The following ELMOD1 variants were observed in gnomAD, a reference collection of about 807,000 sequenced individuals.
The protein encoded by ELMOD1 is ELMO domain-containing protein 1.
ELMOD1 carries 21 observed loss-of-function variants against 46.7 expected under a neutral mutation model. The ratio of observed to expected loss-of-function variants is 0.45; its 90% confidence interval spans 0.32 to 0.65. The LOEUF is 0.65. ELMOD1 is among the 30% of genes least tolerant of loss of function. The pLI is 0.04. For synonymous variants in ELMOD1, 122 were observed against 138.2 expected, an observed-to-expected ratio of 0.88 and a Z score of 0.82; for missense variants, 348 against 407.8, an observed-to-expected ratio of 0.85 and a Z score of 1.26.
chr11:107,627,484 A>T (rs1866062924), intron 2 of ELMOD1, among the ~76,000 whole-genome samples: 1 of 152,198 alleles, frequency 6.6e-6, no homozygotes, highest in Admixed American at 6.5e-5. Context: ...TAAAAGATAA[A>T]AGCAAATAGA....
intron 6 of ELMOD1, among the ~76,000 whole-genome samples, chr11:107,640,287 T>C (rs1488282933): frequency 6.6e-6 from 1 of 152,238 alleles, no homozygotes; most frequent in Non-Finnish European, 1.5e-5. Context: ...GTATAGTTAT[T>C]AACCTACTGG....
chr11:107,629,576 T>C (rs560944671), intron 2 of ELMOD1, among the ~76,000 whole-genome samples: 54 of 152,304 alleles, frequency 3.5e-4, no homozygotes, highest in African/African-American at 1.3e-3. Context: ...AAAGATGGAC[T>C]TACATGGGCC....
chr11:107,665,374 A>G lies in ELMOD1; in HGVS notation c.*177A>G. On this transcript the variant is annotated 3_prime_UTR_variant, in exon 12 of 12. Coordinates refer to ENST00000265840, the MANE Select transcript of ELMOD1 (RefSeq NM_018712.4). ...GATCCCCAGAGACCACTGTTTCTGG[A>G]GTATCTGTCATCCAGTGACTGCTCA... is the stretch of plus-strand genomic sequence containing the variant. The G allele has an allele frequency of 9.4e-6, 6 of 637,718 alleles. No individual in the cohort carries two copies. Among genetic ancestry groups the G allele is most frequent in the Non-Finnish European group, 1.6e-5 (6 of 379,342 alleles). The allele number at this position is 637,718 out of a possible 1,614,324, so 39.5% of individuals were successfully genotyped here.
In ELMOD1 at chr11:107,638,798, C is replaced by T. The variant is rs146518111; in HGVS notation, c.420+3033C>T. Among the ~76,000 whole-genome samples, 6 of 152,266 alleles carry T rather than the reference C, an allele frequency of 3.9e-5. No individual in the cohort carries two copies. In the East Asian group the frequency reaches 1.2e-3, roughly 29 times the overall value. ...CCTAGTTTAAAGGCAAAGTTAAGTA[C>T]TTAGAAGAGAGACCGTACAGCTCAT... is the stretch of plus-strand genomic sequence containing the variant. On this transcript the variant is annotated intron_variant, in intron 6 of 11. Transcript: ENST00000265840.
intron 1 of ELMOD1, among the ~76,000 whole-genome samples, chr11:107,603,310 G>A (rs970325151): frequency 6.6e-6 from 1 of 152,152 alleles, no homozygotes; most frequent in South Asian, 2.1e-4. Context: ...AGGCCAAGGT[G>A]GGCACATCGC....
intron 7 of ELMOD1, 142 bp downstream of exon 7, chr11:107,647,743 T>G (rs1434055859): frequency 1.3e-6 from 1 of 775,776 alleles, no homozygotes; most frequent in East Asian, 3.2e-5. Flanking sequence ...AGAGGTCAGG[T>G]TCATAAAATG....
intron 1 of ELMOD1, chr11:107,592,021 T>TGGGG (rs1420195064): frequency 2.0e-6 from 1 of 495,242 alleles, no homozygotes; most frequent in Non-Finnish European, 4.2e-6. Flanking sequence ...GACAGCCGAG[T>TGGGG]GGGGAGTGAC....
intron 6 of ELMOD1, among the ~76,000 whole-genome samples, chr11:107,639,110 A>C (rs1335748552): frequency 6.6e-6 from 1 of 152,170 alleles, no homozygotes; most frequent in African/African-American, 2.4e-5. Flanking sequence ...TGGTTGTACC[A>C]CTGTACTTAG....
At chr11:107,619,569 A>G (rs1239067845) in intron 2 of ELMOD1, among the ~76,000 whole-genome samples, 1 of 152,212 alleles carries the variant, frequency 6.6e-6, no homozygotes, top group Non-Finnish European at 1.5e-5. Flanking sequence ...TAAGGTTGCC[A>G]AGTCTTGTAC....
intron 1 of ELMOD1, among the ~76,000 whole-genome samples, chr11:107,598,057 C>T (rs1865523674): frequency 6.6e-6 from 1 of 152,172 alleles, no homozygotes; most frequent in Admixed American, 6.5e-5. Flanking sequence ...TTGTTTATAG[C>T]ATACAGTGGA....
At chr11:107,630,046 G>C (rs1411417012) in intron 2 of ELMOD1, among the ~76,000 whole-genome samples, 1 of 152,152 alleles carries the variant, frequency 6.6e-6, no homozygotes, top group African/African-American at 2.4e-5. Flanking sequence ...AGGAGAGCAT[G>C]TTCTTCCCCC....
chr11:107,655,934 T>C lies in ELMOD1; in HGVS notation c.700T>C (p.Tyr234His), dbSNP rs755226469. Residue 234 changes from tyrosine (Y) to histidine (H), a missense_variant and splice_region_variant, in exon 11 of 12, where the codon TAC becomes CAC. Coordinates refer to ENST00000265840, the MANE Select transcript of ELMOD1 (RefSeq NM_018712.4). Reference sequence around the variant, plus strand: ...GGTTTTGTGGTTTATACTTTATAGGTACTCATTTGCAATTGTGGGCATCAA... The same window carrying C: ...GGTTTTGTGGTTTATACTTTATAGGCACTCATTTGCAATTGTGGGCATCAA... The part of the protein sequence containing the change: ...EKKRMDKAIG[Y>H]SFAIVGINIT... 3.1e-6 allele frequency: 5 copies of C among 1,606,784 alleles called. No homozygotes were observed. The highest frequency in any genetic ancestry group is 4.3e-6 in the Non-Finnish European group (5 of 1,176,178).
At chr11:107,659,727 T>G (rs1866700542) in intron 11 of ELMOD1, among the ~76,000 whole-genome samples, 1 of 151,732 alleles carries the variant, frequency 6.6e-6, no homozygotes, top group Non-Finnish European at 1.5e-5. Flanking sequence ...TACTGGCTGA[T>G]GTTTTTTGCA....
chr11:107,627,286 G>A (rs115533314), intron 2 of ELMOD1, among the ~76,000 whole-genome samples: 4 of 152,258 alleles, frequency 2.6e-5, no homozygotes, highest in African/African-American at 7.2e-5. Context: ...AGAACAAGCA[G>A]CGTATAGATA....
In ELMOD1 at chr11:107,591,279, C is replaced by T. The variant is rs1321384851; in HGVS notation, c.-216C>T. 6.6e-6 allele frequency: 1 copy of T among 152,274 alleles called. No individual in the cohort carries two copies. The highest frequency in any genetic ancestry group is 1.5e-5 in the Non-Finnish European group (1 of 68,186). 9.4% of individuals were successfully genotyped at this position (152,274 alleles called of 1,614,324 possible). On this transcript the variant is annotated 5_prime_UTR_variant, in exon 1 of 12. Coordinates refer to ENST00000265840, the MANE Select transcript of ELMOD1 (RefSeq NM_018712.4). ...GGCAGCCGCGGCCGCCCCTGTCCAG[C>T]CTCGGCGCCCGGGACCGAGCGCGTC...
At chr11:107,608,771 G>T (rs1056459379) in intron 1 of ELMOD1, among the ~76,000 whole-genome samples, 1 of 152,152 alleles carries the variant, frequency 6.6e-6, no homozygotes, top group Non-Finnish European at 1.5e-5. Context: ...CAGTGGCAGG[G>T]TAACTGTTTT....
At chr11:107,610,496 T>G (rs1316264085) in intron 1 of ELMOD1, among the ~76,000 whole-genome samples, 1 of 151,954 alleles carries the variant, frequency 6.6e-6, no homozygotes, top group Admixed American at 6.6e-5. Context: ...AAACCCCGTC[T>G]GTACTAAAAA....
intron 1 of ELMOD1, among the ~76,000 whole-genome samples, chr11:107,614,637 C>T (rs1229251415): frequency 6.6e-6 from 1 of 152,108 alleles, no homozygotes; most frequent in Non-Finnish European, 1.5e-5. Flanking sequence ...ATGCCCGGCC[C>T]AGAGTGTATT....
intron 1 of ELMOD1, chr11:107,592,363 A>G (rs1865415931): frequency 3.7e-6 from 2 of 534,186 alleles, no homozygotes; most frequent in Non-Finnish European, 3.8e-6. Context: ...GATTGGTACT[A>G]TCAATTGAGT....
Sources: allele counts gnomAD v4.1 joint callset (sites outside exome capture counted in the v4.1 genomes callset), GRCh38; gene constraint gnomAD v4.1.1; transcripts MANE v1.5; gene names NCBI Gene and HGNC (gene_info 2026-07-23, HGNC 2026-07-21).